TWSG1: variants seen among roughly 807,000 people sequenced by gnomAD.
TWSG1 encodes twisted gastrulation protein homolog 1.
In TWSG1, 15 loss-of-function variants were observed where a neutral mutation model predicts 23.0. That is an observed-to-expected ratio of 0.65 (90% CI 0.44 to 1.00). TWSG1 has a LOEUF of 1.00. TWSG1 is among the 50% of genes least tolerant of loss of function. The probability of loss-of-function intolerance (pLI) is 0.00; values close to 1 mark genes in which losing one functional copy is unlikely to be tolerated. For synonymous variants in TWSG1, 86 were observed against 92.8 expected, an observed-to-expected ratio of 0.93 and a Z score of 0.42; for missense variants, 242 against 278.7, an observed-to-expected ratio of 0.87 and a Z score of 0.94.
chr18:9,392,688 C>T (rs1568040292), intron 3 of TWSG1, among the ~76,000 whole-genome samples: 1 of 152,220 alleles, frequency 6.6e-6, no homozygotes, highest in Admixed American at 6.5e-5. Flanking sequence ...GCCATCTTCA[C>T]TAAGCTTTCT....
chr18:9,341,831 G>A (rs1260613112), intron 2 of TWSG1, among the ~76,000 whole-genome samples: 1 of 150,512 alleles, frequency 6.6e-6, no homozygotes, highest in Non-Finnish European at 1.5e-5. Flanking sequence ...TTAGCAATGA[G>A]ACAGACTATA....
rs374883525 is a variant in TWSG1 at position 9,400,822 on chromosome 18, A to C, written c.*1295A>C. ...ATACTATGTGCCCTTCATAGTAATA[A>C]AATCTCAATCTTAAAGCATGAATCT... is the stretch of plus-strand genomic sequence containing the variant. On this transcript the variant is annotated 3_prime_UTR_variant, in exon 5 of 5. Transcript: ENST00000262120. 21 of 152,354 alleles carry C rather than the reference A, an allele frequency of 1.4e-4. No individual in the cohort carries two copies. The South Asian group carries it at 1.9e-3, about 14-fold the overall frequency. The allele number at this position is 152,354 out of a possible 1,614,324, so 9.4% of individuals were successfully genotyped here.
rs761601814 is a variant in TWSG1, at chr18:9,399,661, A to T, written c.*134A>T. On this transcript the variant is annotated 3_prime_UTR_variant, in exon 5 of 5. Coordinates refer to ENST00000262120, the MANE Select transcript of TWSG1 (RefSeq NM_020648.6). ...AAAGACTTTGGAATAAGTTTCTTTT[A>T]AAAATATGACATAGCCAGTGATGTG... 4.4e-5 allele frequency: 35 copies of T among 787,400 alleles called. No individual in the cohort carries two copies. Among genetic ancestry groups the T allele is most frequent in the Admixed American group, 9.8e-5 (3 of 30,758 alleles). The allele number at this position is 787,400 out of a possible 1,614,324, so 48.8% of individuals were successfully genotyped here.
intron 3 of TWSG1, among the ~76,000 whole-genome samples, chr18:9,384,997 T>C (rs370622874): frequency 3.9e-5 from 6 of 152,030 alleles, no homozygotes; most frequent in African/African-American, 1.4e-4. Flanking sequence ...CCAAAACAAA[T>C]TGCATAAAAG....
intron 2 of TWSG1, among the ~76,000 whole-genome samples, chr18:9,346,310 A>G (rs527353126): frequency 2.5e-4 from 38 of 152,262 alleles, no homozygotes; most frequent in African/African-American, 8.9e-4. Context: ...ATGTCTTTTC[A>G]TGGCTTGATA....
chr18:9,357,076 T>C (rs2040530520), intron 2 of TWSG1, among the ~76,000 whole-genome samples: 1 of 152,146 alleles, frequency 6.6e-6, no homozygotes, highest in Non-Finnish European at 1.5e-5. Flanking sequence ...AAGTATAGCT[T>C]TGGCAACTCT....
chr18:9,363,264 C>G (rs2040561094), intron 3 of TWSG1, among the ~76,000 whole-genome samples: 1 of 152,112 alleles, frequency 6.6e-6, no homozygotes, highest in Non-Finnish European at 1.5e-5. Context: ...TCTTTGCTGT[C>G]CAACATATTC....
intron 3 of TWSG1, among the ~76,000 whole-genome samples, chr18:9,389,827 T>C (rs2040703377): frequency 6.6e-6 from 1 of 152,350 alleles, no homozygotes; most frequent in East Asian, 1.9e-4. Flanking sequence ...AGTATAGCCA[T>C]ACCCCACGGA....
At chr18:9,346,174 C>T (rs2040476698) in intron 2 of TWSG1, among the ~76,000 whole-genome samples, 1 of 152,088 alleles carries the variant, frequency 6.6e-6, no homozygotes, top group African/African-American at 2.4e-5. Flanking sequence ...CCCTAGTAAC[C>T]ACTGATGTTT....
chr18:9,397,266 T>A (rs76540506), intron 4 of TWSG1, among the ~76,000 whole-genome samples: 1 of 152,154 alleles, frequency 6.6e-6, no homozygotes, highest in African/African-American at 2.4e-5. Flanking sequence ...ATTCAGAGTA[T>A]CCCATGAAGT....
intron 2 of TWSG1, among the ~76,000 whole-genome samples, chr18:9,351,536 CTTTAATACCAACTTAATGCTTTATAT>C (rs1312648928): frequency 6.6e-6 from 1 of 150,992 alleles, no homozygotes; most frequent in African/African-American, 2.4e-5. Flanking sequence ...TTCTGCATTG[CTTTAATACCAACTTAATGCTTTATAT>C]TTTTCAGTTT....
chr18:9,362,696 G>A (rs887693447), intron 3 of TWSG1, among the ~76,000 whole-genome samples: 18 of 152,162 alleles, frequency 1.2e-4, no homozygotes, highest in East Asian at 5.8e-4. Context: ...GCTGTTCAGC[G>A]TCTTCTTTTA....
chr18:9,374,116 A>T (rs1012626924), intron 3 of TWSG1, among the ~76,000 whole-genome samples: 2 of 152,192 alleles, frequency 1.3e-5, no homozygotes, highest in African/African-American at 2.4e-5. Flanking sequence ...AAAATCAGTA[A>T]TCCAAACTTT....
intron 2 of TWSG1, among the ~76,000 whole-genome samples, chr18:9,359,326 C>T (rs2040541386): frequency 6.6e-6 from 1 of 152,062 alleles, no homozygotes; most frequent in African/African-American, 2.4e-5. Flanking sequence ...TTCTTGAGGT[C>T]TAAACTCAGA....
chr18:9,391,309 T>C (rs1159461599), intron 3 of TWSG1, among the ~76,000 whole-genome samples: 1 of 152,226 alleles, frequency 6.6e-6, no homozygotes, highest in African/African-American at 2.4e-5. Flanking sequence ...TCCACTGAAG[T>C]CTTGAACCCC....
chr18:9,398,586 T>C (rs2040748461), intron 4 of TWSG1, among the ~76,000 whole-genome samples: 1 of 151,812 alleles, frequency 6.6e-6, no homozygotes, highest in African/African-American at 2.4e-5. Context: ...GCCTCCCGAG[T>C]AGCTGGGGTT....
At chr18:9,356,647 T>A (rs1309654423) in intron 2 of TWSG1, among the ~76,000 whole-genome samples, 1 of 152,178 alleles carries the variant, frequency 6.6e-6, no homozygotes, top group African/African-American at 2.4e-5. Context: ...AAATACAGGT[T>A]GAACATTTCA....
At chr18:9,390,582 A>T (rs951251369) in intron 3 of TWSG1, among the ~76,000 whole-genome samples, 1 of 152,192 alleles carries the variant, frequency 6.6e-6, no homozygotes, top group South Asian at 2.1e-4. Flanking sequence ...TACAGGCATG[A>T]GCCATCACAC....
intron 2 of TWSG1, among the ~76,000 whole-genome samples, chr18:9,354,850 A>G (rs1367219317): frequency 6.6e-6 from 1 of 152,198 alleles, no homozygotes; most frequent in Admixed American, 6.5e-5. Flanking sequence ...TTATATAATT[A>G]AAGAAATACT....
Sources: allele counts gnomAD v4.1 joint callset (sites outside exome capture counted in the v4.1 genomes callset), GRCh38; gene constraint gnomAD v4.1.1; transcripts MANE v1.5; gene names NCBI Gene and HGNC (gene_info 2026-07-23, HGNC 2026-07-21).